URB1: variants seen among roughly 807,000 people sequenced by gnomAD.
URB1 encodes nucleolar pre-ribosomal-associated protein 1.
In URB1, 197 loss-of-function variants were observed where a neutral mutation model predicts 242.3. The observed-to-expected ratio is 0.81, with a 90% CI of 0.72 to 0.91. The LOEUF (loss-of-function observed/expected upper bound fraction) is 0.91, where lower values mean the gene tolerates loss of function less well. Among genes scored for constraint, URB1 ranks in the 40% least tolerant of loss-of-function variants. URB1 has a pLI of 0.00. For missense variants in URB1, 2,721 were observed against 2,860.5 expected, an observed-to-expected ratio of 0.95 and a Z score of 1.11; for synonymous variants, 1,153 against 1,201.8, an observed-to-expected ratio of 0.96 and a Z score of 0.84.
At chr21:32,384,792 T>C (rs1412806430) in intron 2 of URB1, among the ~76,000 whole-genome samples, 1 of 152,002 alleles carries the variant, frequency 6.6e-6, no homozygotes, top group African/African-American at 2.4e-5. Flanking sequence ...CCATCCTAGC[T>C]AACACGGTGA....
intron 23 of URB1, 120 bp from the exon 24 acceptor site, chr21:32,344,876 C>T: frequency 8.5e-7 from 1 of 1,178,640 alleles, no homozygotes; most frequent in South Asian, 1.7e-5. Flanking sequence ...CCCCACACTA[C>T]CCACTCACAG....
rs762353574 is a variant in URB1 at position 32,311,828 on chromosome 21, T to G, written c.*3090A>C. On this transcript the variant is annotated 3_prime_UTR_variant, in exon 39 of 39. Coordinates refer to ENST00000382751, the MANE Select transcript of URB1 (RefSeq NM_014825.3). ...GCTCAGTGGAGCCAGGGAGCAGAACTGGCCCTGACCAGCCGCTACGACAGG... is the reference window on the plus strand; with the variant it reads ...GCTCAGTGGAGCCAGGGAGCAGAACGGGCCCTGACCAGCCGCTACGACAGG... The G allele has an allele frequency of 6.2e-7, 1 of 1,613,860 alleles. No homozygotes were observed. Among genetic ancestry groups the G allele is most frequent in the Non-Finnish European group, 8.5e-7 (1 of 1,180,028 alleles).
Position 32,366,686 on chromosome 21 carries a change from G to A in URB1, c.1267C>T (p.Leu423=). ...ACGGTGGTCACCATCACCATTGCCA[G>A]GAGCCGAGGCAAGGGTATAAACTCT... The part of the protein sequence containing the change: ...TREFIPLPRL[L]AMVMVTTVPL... Residue 423 remains leucine (L), a synonymous_variant, in exon 10 of 39, where the codon CTG becomes TTG. Coordinates refer to ENST00000382751, the MANE Select transcript of URB1 (RefSeq NM_014825.3). 3.2e-6 allele frequency: 5 copies of A among 1,551,422 alleles called. No individual in the cohort carries two copies. The highest frequency in any genetic ancestry group is 1.2e-5 in the South Asian group (1 of 84,040).
chr21:32,389,274 G>C (rs576352665), intron 1 of URB1, among the ~76,000 whole-genome samples: 2 of 152,302 alleles, frequency 1.3e-5, no homozygotes, highest in East Asian at 1.9e-4. Context: ...CTGAGTGAGT[G>C]GGGGAGGGCA....
chr21:32,369,360 T>C (rs1458993360), intron 8 of URB1, among the ~76,000 whole-genome samples: 1 of 152,052 alleles, frequency 6.6e-6, no homozygotes, highest in East Asian at 1.9e-4. Flanking sequence ...TAAGACTCCA[T>C]CTGAAAAAAA....
chr21:32,343,444 C>T (rs1040331390), intron 24 of URB1, among the ~76,000 whole-genome samples: 1 of 152,098 alleles, frequency 6.6e-6, no homozygotes, highest in African/African-American at 2.4e-5. Flanking sequence ...TTATACTGCA[C>T]GGTTCCAAGT....
At position 32,311,460 on chromosome 21, in the gene URB1, A is replaced by G. The variant is rs1490380888; in HGVS notation, c.*3458T>C. ...ATGTAGGAAGAAGTGGCCTCCAGGGAAAGACCTGAGGCCTAGTTCCTGACA... is the reference window on the plus strand; with the variant it reads ...ATGTAGGAAGAAGTGGCCTCCAGGGGAAGACCTGAGGCCTAGTTCCTGACA... On this transcript the variant is annotated 3_prime_UTR_variant, in exon 39 of 39. Transcript: ENST00000382751. The G allele has an allele frequency of 6.0e-6, 1 of 165,686 alleles. No individual in the cohort carries two copies. The highest frequency in any genetic ancestry group is 1.1e-5 in the Non-Finnish European group (1 of 87,860). The allele number at this position is 165,686 out of a possible 1,614,324, so 10.3% of individuals were successfully genotyped here.
chr21:32,329,182 G>C (rs923402916), intron 30 of URB1, among the ~76,000 whole-genome samples: 3 of 152,030 alleles, frequency 2.0e-5, no homozygotes, highest in African/African-American at 7.2e-5. Flanking sequence ...GCAGGAGGAC[G>C]GCTTGAACAG....
In URB1 at chr21:32,321,857, T is replaced by C. The variant is rs1220551531; in HGVS notation, c.5428A>G (p.Ile1810Val). ...QCYELCARRG[I>V]FHIILSFFHS... ...AAGAAGGACAGGATGATGTGGAAGA[T>C]GCCACGCCGGGCACACAGTTCGTAG... is the stretch of plus-strand genomic sequence containing the variant. The change falls in exon 34 of 39, where the codon ATC becomes GTC. Residue 1810 changes from isoleucine (I) to valine (V), a missense_variant. Physicochemically the swap from Ile to Val is conservative, Grantham distance 29. Transcript: ENST00000382751. 4 of 1,551,760 alleles carry C rather than the reference T, an allele frequency of 2.6e-6. No individual in the cohort carries two copies. The South Asian group carries it at 4.8e-5, about 18-fold the overall frequency.
chr21:32,361,164 A>AAAGAAAGAAAG (rs2033281273), intron 12 of URB1, 41 bp from the exon 13 acceptor site: 1 of 588,952 alleles, frequency 1.7e-6, no homozygotes. Flanking sequence ...GAGAAAAAAG[A>AAAGAAAGAAAG]AAGAAAGAAA....
chr21:32,385,869 C>T (rs1447034344), intron 1 of URB1, among the ~76,000 whole-genome samples, 185 bp from the exon 2 acceptor site: 6 of 152,038 alleles, frequency 3.9e-5, no homozygotes, highest in Non-Finnish European at 5.9e-5. Context: ...ACCCTAAACC[C>T]GGCCGGGCGC....
rs67993951 is a variant in URB1, at chr21:32,391,856, TAA to T, written c.142+911_142+912del. On this transcript the variant is annotated intron_variant, in intron 1 of 38. Transcript: ENST00000382751. ...AGTGAGATTCCATCTCTACAAAAAG[TAA>T]AAAAAAAAAAAAAAACATAGCTGGG... 1.9e-3 allele frequency among the ~76,000 whole-genome samples: 251 copies of T among 130,224 alleles called. 2 individuals are homozygous for T. Among genetic ancestry groups the T allele is most frequent in the African/African-American group, 5.6e-3 (210 of 37,626 alleles). The allele number at this position is 130,224 out of a possible 152,430, so 85.4% of individuals were successfully genotyped here.
chr21:32,320,696 T>G, intron 34 of URB1, 56 bp from the exon 35 acceptor site: 1 of 1,270,104 alleles, frequency 7.9e-7, no homozygotes, highest in Non-Finnish European at 1.1e-6. Context: ...TTTACTTGAT[T>G]AAAGAAACCG....
Position 32,311,459 on chromosome 21 carries a change from GAA to G in URB1, c.*3457_*3458del. On this transcript the variant is annotated 3_prime_UTR_variant, in exon 39 of 39. Transcript: ENST00000382751. The stretch of plus-strand genomic sequence containing the variant: ...AATGTAGGAAGAAGTGGCCTCCAGG[GAA>G]AGACCTGAGGCCTAGTTCCTGACAA... 1 of 443,752 alleles carries G rather than the reference GAA, an allele frequency of 2.3e-6. No individual in the cohort carries two copies. The highest frequency in any genetic ancestry group is 3.9e-6 in the Non-Finnish European group (1 of 257,064). The allele number at this position is 443,752 out of a possible 1,614,324, so 27.5% of individuals were successfully genotyped here. A position where few individuals can be genotyped will look rare whatever the true frequency, so the allele number is the denominator to read the frequency against.
intron 4 of URB1, among the ~76,000 whole-genome samples, chr21:32,381,086 C>T (rs148752258): frequency 2.0e-5 from 3 of 152,246 alleles, no homozygotes; most frequent in African/African-American, 7.2e-5. Flanking sequence ...CCACTCTAGG[C>T]TCTAGGCTCT....
intron 1 of URB1, among the ~76,000 whole-genome samples, chr21:32,388,129 C>T (rs1010550847): frequency 6.6e-6 from 1 of 152,134 alleles, no homozygotes; most frequent in African/African-American, 2.4e-5. Context: ...AAAAACATAC[C>T]AGAAAAGAAC....
At chr21:32,360,055 C>G (rs1463228569) in intron 13 of URB1, 147 bp from the exon 14 acceptor site, 1 of 726,578 alleles carries the variant, frequency 1.4e-6, no homozygotes, top group Non-Finnish European at 2.3e-6. Context: ...TGTGCTCACC[C>G]TCACATGGCA....
intron 1 of URB1, among the ~76,000 whole-genome samples, chr21:32,391,336 T>C (rs1240538960): frequency 6.6e-6 from 1 of 151,772 alleles, no homozygotes; most frequent in Non-Finnish European, 1.5e-5. Flanking sequence ...AGGGGCACGT[T>C]GTGCACATGT....
chr21:32,381,164 C>T (rs556801177), intron 4 of URB1, among the ~76,000 whole-genome samples: 2 of 152,306 alleles, frequency 1.3e-5, no homozygotes, highest in African/African-American at 4.8e-5. Flanking sequence ...GCGTCCCACT[C>T]CTACTGCAAG....
Sources: allele counts gnomAD v4.1 joint callset (sites outside exome capture counted in the v4.1 genomes callset), GRCh38; gene constraint gnomAD v4.1.1; transcripts MANE v1.5; gene names NCBI Gene and HGNC (gene_info 2026-07-23, HGNC 2026-07-21).